CDK11B: variants seen among roughly 807,000 people sequenced by gnomAD.
CDK11B encodes cyclin-dependent kinase 11B.
A neutral mutation model predicts 84.0 loss-of-function variants in CDK11B; 37 were observed. The ratio of observed to expected loss-of-function variants is 0.44; its 90% CI spans 0.34 to 0.58. The LOEUF is 0.58. Ranked by LOEUF, CDK11B falls within the 20% of genes least tolerant of loss-of-function variation. CDK11B has a pLI of 0.02. For synonymous variants in CDK11B, 269 were observed against 309.8 expected (o/e 0.87, Z 1.38); for missense variants, 427 against 834.0 (o/e 0.51, Z 6.01).
chr1:1,641,238 G>C, intron 9 of CDK11B, 125 bp from the exon 10 acceptor site: 1 of 1,498,514 alleles, frequency 6.7e-7, no homozygotes, highest in Non-Finnish European at 9.1e-7. Context: ...GCCGGGCGCG[G>C]TGGCTCACGC....
chr1:1,655,273 T>A, intron 3 of CDK11B, 96 bp downstream of exon 3: 1 of 1,436,986 alleles, frequency 7.0e-7, no homozygotes, highest in Non-Finnish European at 9.3e-7. Context: ...ACCTTAATAG[T>A]TACAACAGCA....
At chr1:1,639,818 T>C (rs1639986415) in intron 11 of CDK11B, among the ~76,000 whole-genome samples, 1 of 152,090 alleles carries the variant, frequency 6.6e-6, no homozygotes, top group African/African-American at 2.4e-5. Flanking sequence ...TCCTGCCTTA[T>C]TGATAGCTGC....
chr1:1,647,313 A>T (rs1210795925), intron 5 of CDK11B, among the ~76,000 whole-genome samples: 1 of 152,268 alleles, frequency 6.6e-6, no homozygotes, highest in Admixed American at 6.5e-5. Context: ...TGTATTTTAG[A>T]TAATACATTT....
chr1:1,645,986 G>A (rs551246774), intron 5 of CDK11B: 1 of 461,638 alleles, frequency 2.2e-6, no homozygotes, highest in Admixed American at 2.3e-5. Context: ...TTACAGGTGT[G>A]CGCCACCACA....
chr1:1,650,875 AG>A (rs1276276191), intron 4 of CDK11B, among the ~76,000 whole-genome samples: 5 of 152,214 alleles, frequency 3.3e-5, no homozygotes, highest in Non-Finnish European at 5.9e-5. Flanking sequence ...TGAAGAAAGA[AG>A]AAAAAAGAAA....
rs536151837 is a variant in CDK11B, at chr1:1,637,011, C to T, written c.1693-7G>A. 58 of 1,612,644 alleles carry T rather than the reference C, an allele frequency of 3.6e-5. No homozygotes were observed. Among genetic ancestry groups the T allele is most frequent in the Admixed American group, 6.7e-5 (4 of 59,960 alleles). On this transcript the variant is annotated splice_region_variant and splice_polypyrimidine_tract_variant and intron_variant, in intron 15 of 19. Coordinates refer to ENST00000341832, the MANE Select transcript of CDK11B (RefSeq NM_033486.3). ...CCAGCCCGAAGTCACCCACCTGCAA[C>T]GACAGATGGGCGGCTGTGAGTGGGC...
chr1:1,655,604 T>C, intron 2 of CDK11B, 120 bp from the exon 3 acceptor site: 1 of 1,382,382 alleles, frequency 7.2e-7, no homozygotes. Flanking sequence ...TCATATATAC[T>C]CTGAATGAGC....
rs1353425325 is a variant in CDK11B at position 1,650,218 on chromosome 1, T to C, written c.356-581A>G. 8.2e-3 allele frequency among the ~76,000 whole-genome samples: 1,009 copies of C among 123,338 alleles called. 21 individuals are homozygous for C. Among genetic ancestry groups the C allele is most frequent in the African/African-American group, 0.031 (953 of 31,176 alleles). 80.9% of individuals were successfully genotyped at this position (123,338 alleles called of 152,430 possible). A position where few individuals can be genotyped will look rare whatever the true frequency, so the allele number is the denominator to read the frequency against. On this transcript the variant is annotated intron_variant, in intron 4 of 19. Transcript: ENST00000341832. ...CCAGGAGATGGAATTTGCAGTGAGC[T>C]GAGATTGCGCCACTGTACTCCAGCC...
rs192957649 is a variant in CDK11B, at chr1:1,636,616, C to G, written c.1917+66G>C. 2,819 of 1,605,814 alleles carry G rather than the reference C, an allele frequency of 1.8e-3. 78 individuals carry two copies. The East Asian group carries it at 0.052, about 29-fold the overall frequency. On this transcript the variant is annotated intron_variant, in intron 17 of 19. Coordinates refer to ENST00000341832, the MANE Select transcript of CDK11B (RefSeq NM_033486.3). ...CCATCTCAACCCAGCACCTGTGCGC[C>G]CCGCAGCCCCATTCCTGCAACTCCT...
In CDK11B at chr1:1,640,461, G is replaced by A. The variant is rs762770749; in HGVS notation, c.1076-9C>T. The A allele has an allele frequency of 3.1e-6, 5 of 1,613,782 alleles. No individual in the cohort carries two copies. In the South Asian group the frequency reaches 5.5e-5, roughly 18 times the overall value. On this transcript the variant is annotated splice_polypyrimidine_tract_variant and intron_variant, in intron 10 of 19. Coordinates refer to ENST00000341832, the MANE Select transcript of CDK11B (RefSeq NM_033486.3). ...GAACCGTGACTCTGGAACTGGAAAA[G>A]TTGAACCTAATTACGAAGCTAGGAG...
chr1:1,654,656 T>C (rs1194906504), intron 3 of CDK11B, among the ~76,000 whole-genome samples: 1 of 129,494 alleles, frequency 7.7e-6, no homozygotes, highest in African/African-American at 2.6e-5. Flanking sequence ...CAAAATCTTT[T>C]TTTTCCTTTT....
At chr1:1,646,988 A>G (rs2100861474) in intron 5 of CDK11B, 1 of 519,320 alleles carries the variant, frequency 1.9e-6, no homozygotes, top group African/African-American at 1.9e-5. Flanking sequence ...TTCTAGTTCA[A>G]ACTTCCTGTG....
Position 1,637,526 on chromosome 1 carries a change from G to A in CDK11B, c.1465-13C>T, listed in dbSNP as rs1403892598. 3.7e-6 allele frequency: 6 copies of A among 1,612,410 alleles called. No individual in the cohort carries two copies. The Admixed American group carries it at 6.7e-5, about 18-fold the overall frequency. Reference sequence around the variant, plus strand: ...CCACCACAATCTCCTGCAGGGCACGGCTCTGTGGGTGCTGGGCACCTCCAG... The same window carrying A: ...CCACCACAATCTCCTGCAGGGCACGACTCTGTGGGTGCTGGGCACCTCCAG... On this transcript the variant is annotated splice_polypyrimidine_tract_variant and intron_variant, in intron 13 of 19. Transcript: ENST00000341832.
intron 2 of CDK11B, among the ~76,000 whole-genome samples, chr1:1,656,510 G>A (rs1217374408): frequency 6.6e-6 from 1 of 151,728 alleles, no homozygotes; most frequent in Admixed American, 6.6e-5. Context: ...AAAAAGGCCG[G>A]GCGCGGAGGC....
chr1:1,655,661 C>T (rs530407545), intron 2 of CDK11B, among the ~76,000 whole-genome samples, 177 bp from the exon 3 acceptor site: 3 of 152,204 alleles, frequency 2.0e-5, no homozygotes, highest in South Asian at 2.1e-4. Flanking sequence ...TGGTGGCTCA[C>T]GCTTGTAATC....
At position 1,636,413 on chromosome 1, in the gene CDK11B, G is replaced by A. The variant is rs777159870; in HGVS notation, c.1986C>T (p.Thr662=). Residue 662 remains threonine (T), a synonymous_variant, in exon 18 of 20, where the codon ACC becomes ACT. Coordinates refer to ENST00000341832, the MANE Select transcript of CDK11B (RefSeq NM_033486.3). ...GGTTGTTGTAGGGGTGCTCGCTGAAGGTCATCTTCTTGACTGCTGGGAGCT... is the reference window on the plus strand; with the variant it reads ...GGTTGTTGTAGGGGTGCTCGCTGAAAGTCATCTTCTTGACTGCTGGGAGCT... ...YSELPAVKKM[T]FSEHPYNNLR... The A allele has an allele frequency of 3.0e-5, 49 of 1,612,536 alleles. No individual in the cohort carries two copies. In the South Asian group the frequency reaches 3.2e-4, roughly 11 times the overall value.
intron 3 of CDK11B, among the ~76,000 whole-genome samples, chr1:1,652,888 C>T (rs1642193143): frequency 6.6e-6 from 1 of 152,068 alleles, no homozygotes; most frequent in South Asian, 2.1e-4. Context: ...GCCACGCTGG[C>T]TAATTTTTGT....
intron 5 of CDK11B, chr1:1,646,902 G>C (rs1641215537): frequency 1.9e-6 from 1 of 519,908 alleles, no homozygotes; most frequent in Admixed American, 1.9e-5. Flanking sequence ...CATGGGATGG[G>C]TCATTCTTCT....
At chr1:1,638,335 G>A (rs1172816170) in intron 12 of CDK11B, among the ~76,000 whole-genome samples, 165 bp downstream of exon 12, 1 of 152,196 alleles carries the variant, frequency 6.6e-6, no homozygotes, top group African/African-American at 2.4e-5. Flanking sequence ...GCAAGGGAGT[G>A]GCAAAGCCCC....
Sources: allele counts gnomAD v4.1 joint callset (sites outside exome capture counted in the v4.1 genomes callset), GRCh38; gene constraint gnomAD v4.1.1; transcripts MANE v1.5; gene names NCBI Gene and HGNC (gene_info 2026-07-23, HGNC 2026-07-21).